PADI1: variants seen among roughly 807,000 people sequenced by gnomAD.
The protein encoded by PADI1 is peptidyl arginine deiminase 1, also known as protein-arginine deiminase type-1.
PADI1 carries 65 observed loss-of-function variants against 74.8 expected under a neutral mutation model. That is an observed-to-expected ratio of 0.87 (90% CI 0.71 to 1.07). The LOEUF is 1.07. Ranked by LOEUF, PADI1 falls within the 50% of genes least tolerant of loss-of-function variation. PADI1 has a pLI of 0.00. For synonymous variants in PADI1, 371 were observed against 336.2 expected, an observed-to-expected ratio of 1.10 and a Z score of -1.13; for missense variants, 943 against 854.0, an observed-to-expected ratio of 1.10 and a Z score of -1.30.
chr1:17,241,375 G>C (rs1216493077), intron 15 of PADI1, among the ~76,000 whole-genome samples: 1 of 152,280 alleles, frequency 6.6e-6, no homozygotes, highest in Non-Finnish European at 1.5e-5. Flanking sequence ...TGGCAGGGAT[G>C]GTCCCCCGGG....
chr1:17,224,972 G>A (rs968175482), intron 4 of PADI1, among the ~76,000 whole-genome samples: 2 of 152,168 alleles, frequency 1.3e-5, no homozygotes, highest in Middle Eastern at 3.2e-3. Context: ...GGATCACAAA[G>A]CTTTGAGGAC....
At chr1:17,238,073 G>T (rs2072688842) in intron 12 of PADI1, among the ~76,000 whole-genome samples, 1 of 152,234 alleles carries the variant, frequency 6.6e-6, no homozygotes, top group Non-Finnish European at 1.5e-5. Context: ...TTTCGAGACA[G>T]AATCTTGCTC....
Position 17,228,813 on chromosome 1 carries a change from G to T in PADI1, c.825+16G>T. 6.2e-7 allele frequency: 1 copy of T among 1,612,862 alleles called. No homozygotes were observed. The highest frequency in any genetic ancestry group is 8.5e-7 in the Non-Finnish European group (1 of 1,179,294). On this transcript the variant is annotated intron_variant, in intron 7 of 15. Transcript: ENST00000375471. ...GGACCCGGGGGTGTGTACAGCACTG[G>T]GGGGTGGCCAAGGAGGCTGAGGGGT...
intron 1 of PADI1, among the ~76,000 whole-genome samples, chr1:17,220,828 C>T (rs2072127190): frequency 6.6e-6 from 1 of 152,218 alleles, no homozygotes. Context: ...CACGCTTATG[C>T]AGGGGATGAA....
At chr1:17,225,448 C>T (rs16823950) in intron 4 of PADI1, among the ~76,000 whole-genome samples, 7 of 152,036 alleles carry the variant, frequency 4.6e-5, no homozygotes, top group Non-Finnish European at 8.8e-5. Flanking sequence ...CTCCAGATCC[C>T]GACCCTCATC....
rs754657166 is a variant in PADI1 at position 17,230,099 on chromosome 1, A to G, written c.944A>G (p.His315Arg). The G allele has an allele frequency of 6.8e-6, 11 of 1,613,972 alleles. No homozygotes were observed. Among genetic ancestry groups the G allele is most frequent in the Non-Finnish European group, 9.3e-6 (11 of 1,179,850 alleles). ...ACCTTTTACAGAGTGATGGACACTC[A>G]TGGCTCCAATGAGAAATTCCTGGAG... ...ELYVCRVMDT[H>R]GSNEKFLEDM... The change falls in exon 9 of 16, where the codon CAT (histidine) becomes CGT (arginine). Residue 315 changes from histidine to arginine, a missense_variant. His to Arg is a conservative substitution (Grantham distance 29). Transcript: ENST00000375471.
At chr1:17,233,711 GT>G (rs2072562024) in intron 11 of PADI1, among the ~76,000 whole-genome samples, 1 of 152,226 alleles carries the variant, frequency 6.6e-6, no homozygotes, top group Admixed American at 6.5e-5. Flanking sequence ...TGTTTGTGGG[GT>G]TTTTGCATAG....
Position 17,232,927 on chromosome 1 carries a change from G to C in PADI1, c.1270G>C (p.Glu424Gln). The C allele has an allele frequency of 1.2e-6, 2 of 1,612,098 alleles. No homozygotes were observed. The highest frequency in any genetic ancestry group is 2.2e-5 in the South Asian group (2 of 90,712). ...VSPPVTVGGT[E>Q]YPLGRILIGS... ...CCCGCCCGTCACGGTGGGCGGCACG[G>C]AATACCCCCTGGGCCGGATCCTCAT... is the stretch of plus-strand genomic sequence containing the variant. The change falls in exon 11 of 16, where the codon GAA (glutamate) becomes CAA (glutamine). Residue 424 changes from glutamate (E) to glutamine (Q), a missense_variant. Glu to Gln is a conservative substitution (Grantham distance 29). Coordinates refer to ENST00000375471, the MANE Select transcript of PADI1 (RefSeq NM_013358.3).
In PADI1 at chr1:17,228,732, C is replaced by G; in HGVS notation, c.760C>G (p.Leu254Val). Residue 254 changes from leucine to valine, a missense_variant, in exon 7 of 16, where the codon CTG becomes GTG. Physicochemically the swap from Leu to Val is conservative, Grantham distance 32. Coordinates refer to ENST00000375471, the MANE Select transcript of PADI1 (RefSeq NM_013358.3). The stretch of plus-strand genomic sequence containing the variant: ...GGAGATCAAGTTCTATGTGGAGGGG[C>G]TGACCTTCCCCGATGCCGATTTCCT... ...EQEIKFYVEGLTFPDADFLGL... is the reference protein window; with the variant it reads ...EQEIKFYVEGVTFPDADFLGL... 1 of 1,614,202 alleles carries G rather than the reference C, an allele frequency of 6.2e-7. No individual in the cohort carries two copies. Among genetic ancestry groups the G allele is most frequent in the Non-Finnish European group, 8.5e-7 (1 of 1,180,020 alleles).
chr1:17,242,889 C>T (rs2072805365), intron 15 of PADI1, among the ~76,000 whole-genome samples: 1 of 152,142 alleles, frequency 6.6e-6, no homozygotes, highest in South Asian at 2.1e-4. Flanking sequence ...CCTGCATGCC[C>T]CACCCCCACT....
chr1:17,205,232 A>T lies in PADI1; in HGVS notation c.15A>T (p.Arg5Ser). 6.2e-7 allele frequency: 1 copy of T among 1,613,802 alleles called. No homozygotes were observed. The highest frequency in any genetic ancestry group is 8.5e-7 in the Non-Finnish European group (1 of 1,179,922). Residue 5 changes from arginine (R) to serine (S), a missense_variant, in exon 1 of 16, where the codon AGA becomes AGT. Coordinates refer to ENST00000375471, the MANE Select transcript of PADI1 (RefSeq NM_013358.3). MAPKRVVQLSLKMPT... is the reference protein window; with the variant it reads MAPKSVVQLSLKMPT... The stretch of plus-strand genomic sequence containing the variant: ...CAGGTGACAGGATGGCCCCAAAGAG[A>T]GTTGTGCAGCTGTCCCTGAAGATGC...
intron 1 of PADI1, among the ~76,000 whole-genome samples, chr1:17,206,683 C>CTTTTTTTTTTTTTTT (rs796276122): frequency 1.1e-3 from 121 of 109,740 alleles, no homozygotes; most frequent in East Asian, 2.0e-3. Context: ...TTTTCTTTTT[C>CTTTTTTTTTTTTTTT]TTTTTTTTTT....
chr1:17,222,429 G>A lies in PADI1; in HGVS notation c.232G>A (p.Val78Ile), dbSNP rs753503873. The change falls in exon 2 of 16, where the codon GTA (valine) becomes ATA (isoleucine). Residue 78 changes from valine (V) to isoleucine (I), a missense_variant. Physicochemically the swap from Val to Ile is conservative, Grantham distance 29. Coordinates refer to ENST00000375471, the MANE Select transcript of PADI1 (RefSeq NM_013358.3). ...GCTAGACACTGATGCAGACATGGTC[G>A]TATCTGTGGGCACAGCCAGTAAGGA... ...WPLDTDADMVVSVGTASKELK... is the reference protein window; with the variant it reads ...WPLDTDADMVISVGTASKELK... The A allele has an allele frequency of 1.2e-5, 19 of 1,614,070 alleles. No homozygotes were observed. The highest frequency in any genetic ancestry group is 2.2e-5 in the East Asian group (1 of 44,876).
intron 15 of PADI1, 31 bp from the exon 16 acceptor site, chr1:17,243,979 C>T (rs2072828213): frequency 1.3e-6 from 2 of 1,498,640 alleles, no homozygotes; most frequent in Non-Finnish European, 1.9e-6. Flanking sequence ...TATAGCCAGA[C>T]AGCCTCCCTC....
At chr1:17,213,189 A>AGGGAAAAGGAG (rs11267550) in intron 1 of PADI1, among the ~76,000 whole-genome samples, 1 of 151,912 alleles carries the variant, frequency 6.6e-6, no homozygotes, top group Non-Finnish European at 1.5e-5. Context: ...GTAATCTCCT[A>AGGGAAAAGGAG]CCAGGCTGGT....
chr1:17,225,677 T>C (rs2072287281), intron 4 of PADI1, 134 bp from the exon 5 acceptor site: 1 of 694,404 alleles, frequency 1.4e-6, no homozygotes, highest in Non-Finnish European at 2.5e-6. Context: ...AAATAATCCT[T>C]TTTAAAATCT....
intron 1 of PADI1, among the ~76,000 whole-genome samples, chr1:17,219,390 G>C (rs776086107): frequency 3.7e-4 from 57 of 152,244 alleles, no homozygotes; most frequent in Non-Finnish European, 6.0e-4. Flanking sequence ...GGTGTGTTAG[G>C]AGTGAGCTGG....
At chr1:17,239,234 A>G (rs183242097) in intron 13 of PADI1, among the ~76,000 whole-genome samples, 2 of 152,262 alleles carry the variant, frequency 1.3e-5, no homozygotes, top group East Asian at 3.9e-4. Flanking sequence ...AGAGCATTGG[A>G]ATGGATGTGG....
intron 1 of PADI1, among the ~76,000 whole-genome samples, chr1:17,209,195 C>T (rs2100392970): frequency 6.6e-6 from 1 of 152,330 alleles, no homozygotes; most frequent in South Asian, 2.1e-4. Context: ...TTGTGCTCCT[C>T]AGGGGAAAAT....
Sources: allele counts gnomAD v4.1 joint callset (sites outside exome capture counted in the v4.1 genomes callset), GRCh38; gene constraint gnomAD v4.1.1; transcripts MANE v1.5; gene names NCBI Gene and HGNC (gene_info 2026-07-23, HGNC 2026-07-21).